SLC25A48: variants seen among roughly 807,000 people sequenced by gnomAD.
The protein encoded by SLC25A48 is CTC-321K16.1.
Under a neutral mutation model 32.2 loss-of-function variants are expected in SLC25A48, and 29 were observed. That is an observed-to-expected ratio of 0.90 (90% CI 0.67 to 1.23). The LOEUF (loss-of-function observed/expected upper bound fraction) is 1.23. SLC25A48 is among the 50% of genes most tolerant of loss of function. The pLI is 0.00. For synonymous variants in SLC25A48, 164 were observed against 172.3 expected, an observed-to-expected ratio of 0.95 and a Z score of 0.38; for missense variants, 399 against 422.7, an observed-to-expected ratio of 0.94 and a Z score of 0.49.
intron 3 of SLC25A48, among the ~76,000 whole-genome samples, chr5:135,774,755 G>A (rs1008680306): frequency 2.7e-5 from 4 of 150,046 alleles, no homozygotes; most frequent in East Asian, 2.0e-4. Flanking sequence ...CACCCCCCCC[G>A]TGATATTGAT....
chr5:135,883,515 CCTCT>C (rs1221327256), intron 7 of SLC25A48: 1 of 974,316 alleles, frequency 1.0e-6, no homozygotes, highest in Non-Finnish European at 1.2e-6. Flanking sequence ...CACTGTCATT[CCTCT>C]CTCTCTGTTC....
chr5:135,874,756 GA>G, intron 6 of SLC25A48: 2 of 696,154 alleles, frequency 2.9e-6, no homozygotes, highest in Middle Eastern at 2.3e-4. Context: ...CCCACCACCT[GA>G]AAAGGTGCTG....
intron 3 of SLC25A48, among the ~76,000 whole-genome samples, chr5:135,758,380 T>C (rs1755975337): frequency 6.6e-6 from 1 of 150,798 alleles, no homozygotes; most frequent in South Asian, 2.1e-4. Context: ...AGTGTTAACA[T>C]ACTGTGATAT....
intron 3 of SLC25A48, among the ~76,000 whole-genome samples, chr5:135,731,714 G>A (rs1026356491): frequency 1.4e-4 from 22 of 152,212 alleles, no homozygotes; most frequent in South Asian, 4.1e-4. Flanking sequence ...AGATATTAAA[G>A]GACTAAGAAT....
chr5:135,830,350 A>G (rs2126669800), upstream of SLC25A48, among the ~76,000 whole-genome samples: 1 of 152,322 alleles, frequency 6.6e-6, no homozygotes, highest in Non-Finnish European at 1.5e-5. Flanking sequence ...ACTTCTGCAG[A>G]CACCACCTAA....
chr5:135,728,924 A>G (rs1015707337), intron 3 of SLC25A48, among the ~76,000 whole-genome samples: 1 of 152,140 alleles, frequency 6.6e-6, no homozygotes, highest in East Asian at 1.9e-4. Flanking sequence ...GAGTTAAAAC[A>G]GATGAGAGCT....
intron 2 of SLC25A48, among the ~76,000 whole-genome samples, chr5:135,630,038 C>T (rs957264246): frequency 5.9e-5 from 9 of 152,178 alleles, no homozygotes; most frequent in African/African-American, 2.2e-4. Flanking sequence ...GGATGATCCT[C>T]TTCACTTCCA....
intron 7 of SLC25A48, among the ~76,000 whole-genome samples, chr5:135,886,618 T>TATA (rs1554088447): frequency 4.7e-5 from 1 of 21,488 alleles, no homozygotes; most frequent in East Asian, 7.5e-4. Flanking sequence ...TATATATATA[T>TATA]ATATATATAT....
chr5:135,886,252 C>G (rs1762707187), intron 7 of SLC25A48, among the ~76,000 whole-genome samples: 1 of 152,016 alleles, frequency 6.6e-6, no homozygotes, highest in African/African-American at 2.4e-5. Context: ...CTGGCTCTTC[C>G]TCGCTGCCCA....
intron 3 of SLC25A48, among the ~76,000 whole-genome samples, chr5:135,748,163 T>C (rs11747540): frequency 0.46 from 69,879 of 152,184 alleles, 16,913 homozygotes; most frequent in Non-Finnish European, 0.54. Flanking sequence ...GGTGATAAGA[T>C]GGCTGCCAAG....
At chr5:135,674,688 G>A (rs913436141) in intron 3 of SLC25A48, among the ~76,000 whole-genome samples, 1 of 151,660 alleles carries the variant, frequency 6.6e-6, no homozygotes, top group Admixed American at 6.6e-5. Flanking sequence ...TTTCTTTATG[G>A]CTGAATAGTA....
intron 1 of SLC25A48, among the ~76,000 whole-genome samples, chr5:135,589,141 T>TACGCTGTATACA (rs2126874798): frequency 6.6e-6 from 1 of 152,316 alleles, no homozygotes; most frequent in Non-Finnish European, 1.5e-5. Context: ...GGCACACTGT[T>TACGCTGTATACA]TCATAAACGC....
Position 135,714,413 on chromosome 5 carries a change from A to G in SLC25A48, c.-521+79457A>G, listed in dbSNP as rs149747197. 1.0e-3 allele frequency among the ~76,000 whole-genome samples: 152 copies of G among 152,284 alleles called. 1 individual carries two copies. Among genetic ancestry groups the G allele is most frequent in the African/African-American group, 3.6e-3 (149 of 41,560 alleles). ...CAGTGCCCTCTCTGCCCTGTTCCACAGTCCTGGCCCATCCTCCAGAGATGT... is the reference window on the plus strand; with the variant it reads ...CAGTGCCCTCTCTGCCCTGTTCCACGGTCCTGGCCCATCCTCCAGAGATGT... On this transcript the variant is annotated intron_variant, in intron 3 of 10. Coordinates refer to the SLC25A48 transcript ENST00000646290.
intron 1 of SLC25A48, among the ~76,000 whole-genome samples, chr5:135,604,153 GA>G (rs1410868329): frequency 6.6e-6 from 1 of 152,210 alleles, no homozygotes. Flanking sequence ...CAAGCTTTAA[GA>G]AACCTCAGAG....
chr5:135,814,088 C>T (rs774893540), intron 4 of SLC25A48, among the ~76,000 whole-genome samples: 1 of 152,166 alleles, frequency 6.6e-6, no homozygotes, highest in Non-Finnish European at 1.5e-5. Flanking sequence ...AACCAAGTTG[C>T]AGATGAAATG....
At chr5:135,835,242 C>T (rs1758397667) in intron 1 of SLC25A48, 1 of 523,388 alleles carries the variant, frequency 1.9e-6, no homozygotes, top group Non-Finnish European at 3.7e-6. Context: ...ACCTGAATTG[C>T]GGACGTGGCT....
At chr5:135,679,074 G>A (rs140356131) in intron 3 of SLC25A48, among the ~76,000 whole-genome samples, 120 of 152,276 alleles carry the variant, frequency 7.9e-4, no homozygotes, top group Non-Finnish European at 1.6e-3. Flanking sequence ...GGTGGGTCTT[G>A]GGCCCCTGGG....
chr5:135,765,001 G>A (rs1161817445), intron 3 of SLC25A48, among the ~76,000 whole-genome samples: 3 of 151,528 alleles, frequency 2.0e-5, no homozygotes, highest in Non-Finnish European at 4.4e-5. Flanking sequence ...CCAGAAGAAA[G>A]AGGGTGACAT....
intron 7 of SLC25A48, among the ~76,000 whole-genome samples, chr5:135,885,682 T>C (rs1243772714): frequency 6.6e-6 from 1 of 152,200 alleles, no homozygotes; most frequent in Non-Finnish European, 1.5e-5. Flanking sequence ...GCAGCAAGAA[T>C]GAACAGGGTT....
Sources: allele counts gnomAD v4.1 joint callset (sites outside exome capture counted in the v4.1 genomes callset), GRCh38; gene constraint gnomAD v4.1.1; transcripts MANE v1.5; gene names NCBI Gene and HGNC (gene_info 2026-07-23, HGNC 2026-07-21).